PCDH15: variants seen among roughly 807,000 people sequenced by gnomAD.
PCDH15 encodes protocadherin-15.
Under a neutral mutation model 178.5 loss-of-function variants are expected in PCDH15, and 129 were observed. That is an observed-to-expected ratio of 0.72 (90% CI 0.63 to 0.84). PCDH15 has a LOEUF of 0.84. Ranked by LOEUF, PCDH15 falls within the 40% of genes least tolerant of loss-of-function variation. PCDH15 has a pLI of 0.00. For synonymous variants in PCDH15, 800 were observed against 732.0 expected, an observed-to-expected ratio of 1.09 and a Z score of -1.50; for missense variants, 2,230 against 2,099.9, an observed-to-expected ratio of 1.06 and a Z score of -1.21.
In PCDH15 at chr10:53,806,736, C is replaced by T. The variant is rs764973632; in HGVS notation, c.5066G>A (p.Arg1689Lys). The change falls in exon 38 of 38, where the codon AGG becomes AAG. Residue 1689 changes from arginine to lysine, a missense_variant. By Grantham distance (26) the Arg-to-Lys change is conservative. Coordinates refer to ENST00000644397, the MANE Select transcript of PCDH15 (RefSeq NM_001384140.1). ...GTDNTAVKPL[R>K]NRLKSTVEQE... ...TTCAACTGTGCTTTTCAGCCTGTTC[C>T]TTAGTGGCTTCACCGCTGTATTGTC... 6.2e-7 allele frequency: 1 copy of T among 1,613,800 alleles called. No homozygotes were observed. Among genetic ancestry groups the T allele is most frequent in the Admixed American group, 1.7e-5 (1 of 59,998 alleles).
intron 15 of PCDH15, among the ~76,000 whole-genome samples, chr10:54,100,703 TA>T: frequency 6.6e-6 from 1 of 152,284 alleles, no homozygotes; most frequent in Middle Eastern, 3.4e-3. Flanking sequence ...CAGTGTTTCT[TA>T]AAGAGACTAC....
At chr10:54,297,438 G>A (rs908500521) in intron 8 of PCDH15, among the ~76,000 whole-genome samples, 1 of 152,112 alleles carries the variant, frequency 6.6e-6, no homozygotes, top group African/African-American at 2.4e-5. Flanking sequence ...AAGGCAAATG[G>A]AGTGAAATAC....
At chr10:54,950,934 T>A (rs574047599) in intron 2 of PCDH15, among the ~76,000 whole-genome samples, 1 of 151,938 alleles carries the variant, frequency 6.6e-6, no homozygotes, top group African/African-American at 2.4e-5. Flanking sequence ...GTCTTATATT[T>A]ACAGAAAAAT....
At chr10:55,149,572 T>C (rs551056876) in intron 2 of PCDH15, among the ~76,000 whole-genome samples, 3 of 152,156 alleles carry the variant, frequency 2.0e-5, no homozygotes, top group African/African-American at 7.2e-5. Context: ...AATAAATGAT[T>C]AAAACCAGTT....
At chr10:55,427,013 A>G (rs1362749180) in intron 2 of PCDH15, among the ~76,000 whole-genome samples, 1 of 151,932 alleles carries the variant, frequency 6.6e-6, no homozygotes, top group African/African-American at 2.4e-5. Context: ...TTTTTTGGAA[A>G]AGGGAACATT....
intron 16 of PCDH15, among the ~76,000 whole-genome samples, chr10:54,083,266 C>A (rs928300860): frequency 6.6e-5 from 10 of 152,132 alleles, no homozygotes; most frequent in Admixed American, 5.2e-4. Context: ...TATTCCCTAG[C>A]AAATCTATTC....
intron 1 of PCDH15, among the ~76,000 whole-genome samples, chr10:55,175,651 G>A (rs1381632345): frequency 5.1e-5 from 6 of 116,740 alleles, no homozygotes; most frequent in Non-Finnish European, 1.0e-4. Context: ...GGGCAACAGA[G>A]AGACTCTGTC....
chr10:55,493,553 G>A (rs1211610700), intron 2 of PCDH15, among the ~76,000 whole-genome samples: 6 of 150,690 alleles, frequency 4.0e-5, no homozygotes, highest in South Asian at 4.2e-4. Context: ...AAAAAAAAAA[G>A]GGAAAGAATA....
chr10:55,579,815 T>A lies in PCDH15; in HGVS notation c.-156+47810A>T, dbSNP rs1295447739. Among the ~76,000 whole-genome samples the A allele has an allele frequency of 3.3e-5, 5 of 152,162 alleles. No individual in the cohort carries two copies. In the East Asian group the frequency reaches 5.8e-4, roughly 18 times the overall value. ...CAACGTATTGGGATTTTTTGGTTTTTTTGTTTGTTATGTTTTTTATTTGTT... is the reference window on the plus strand; with the variant it reads ...CAACGTATTGGGATTTTTTGGTTTTATTGTTTGTTATGTTTTTTATTTGTT... On this transcript the variant is annotated intron_variant, in intron 2 of 5. Transcript: ENST00000613346.
At chr10:55,301,676 A>G (rs557876334) in intron 1 of PCDH15, among the ~76,000 whole-genome samples, 2 of 152,164 alleles carry the variant, frequency 1.3e-5, no homozygotes, top group South Asian at 4.1e-4. Flanking sequence ...GCTTTGCTCT[A>G]TTGCCTAAAG....
At chr10:55,006,400 A>C (rs1363135925) in intron 2 of PCDH15, among the ~76,000 whole-genome samples, 2 of 152,230 alleles carry the variant, frequency 1.3e-5, no homozygotes, top group East Asian at 3.8e-4. Flanking sequence ...TAAAGCACAT[A>C]AAACTTTAAT....
intron 3 of PCDH15, among the ~76,000 whole-genome samples, chr10:54,885,272 G>A (rs933730663): frequency 2.6e-5 from 4 of 151,844 alleles, no homozygotes; most frequent in African/African-American, 9.7e-5. Flanking sequence ...AAGGGGGAAG[G>A]GAAACAAACA....
intron 2 of PCDH15, among the ~76,000 whole-genome samples, chr10:55,141,221 ATAGGTGTTTATT>A (rs1838346981): frequency 6.6e-6 from 1 of 152,048 alleles, no homozygotes; most frequent in Non-Finnish European, 1.5e-5. Context: ...TTGTCAAAAC[ATAGGTGTTTATT>A]TAGTGTTCTC....
chr10:54,146,152 T>C (rs1292449173), intron 14 of PCDH15, among the ~76,000 whole-genome samples: 2 of 152,060 alleles, frequency 1.3e-5, no homozygotes, highest in Non-Finnish European at 2.9e-5. Flanking sequence ...CATTTTTTAC[T>C]AATGATAAAC....
chr10:53,956,341 A>C (rs907427093), intron 23 of PCDH15, among the ~76,000 whole-genome samples: 1 of 152,126 alleles, frequency 6.6e-6, no homozygotes, highest in Non-Finnish European at 1.5e-5. Flanking sequence ...AGATACTGCT[A>C]TGTATTTCCT....
intron 2 of PCDH15, among the ~76,000 whole-genome samples, chr10:55,113,777 T>C (rs753919005): frequency 6.6e-6 from 1 of 152,100 alleles, no homozygotes; most frequent in Non-Finnish European, 1.5e-5. Flanking sequence ...ATTTTTGAGA[T>C]AGCACAAGCC....
chr10:55,453,586 T>C (rs377673987), intron 2 of PCDH15, among the ~76,000 whole-genome samples: 4 of 152,168 alleles, frequency 2.6e-5, no homozygotes, highest in African/African-American at 9.6e-5. Flanking sequence ...TTGCCACCAG[T>C]TTGGGGGTTT....
intron 2 of PCDH15, among the ~76,000 whole-genome samples, chr10:55,555,026 C>A (rs1233414540): frequency 6.6e-6 from 1 of 151,950 alleles, no homozygotes; most frequent in Non-Finnish European, 1.5e-5. Flanking sequence ...ATTACTTCTT[C>A]CTTACTATTT....
chr10:54,232,785 T>C (rs1433728110), intron 9 of PCDH15, among the ~76,000 whole-genome samples: 2 of 152,158 alleles, frequency 1.3e-5, no homozygotes, highest in Non-Finnish European at 2.9e-5. Context: ...TCAGTCTAGC[T>C]AGAGGTTTGT....
Sources: gnomAD v4.1 joint callset for allele counts (sites outside exome capture counted in the v4.1 genomes callset) on GRCh38, gnomAD v4.1.1 for gene constraint, MANE v1.5 for transcripts, NCBI Gene and HGNC (gene_info 2026-07-23, HGNC 2026-07-21) for gene names.